PRMT8: variants seen among roughly 807,000 people sequenced by gnomAD.
The protein encoded by PRMT8 is protein arginine N-methyltransferase 8.
A neutral mutation model predicts 47.1 loss-of-function variants in PRMT8; 7 were observed. That is an observed-to-expected ratio of 0.15 (90% confidence interval 0.08 to 0.28). PRMT8 has a LOEUF of 0.28. Ranked by LOEUF, PRMT8 falls within the 10% of genes least tolerant of loss-of-function variation. The pLI, the probability that PRMT8 is intolerant of heterozygous loss-of-function variation, is 1.00. For synonymous variants in PRMT8, 188 were observed against 186.5 expected (o/e 1.01, Z -0.07); for missense variants, 237 against 505.4 (o/e 0.47, Z 5.09).
intron 1 of PRMT8, among the ~76,000 whole-genome samples, chr12:3,459,410 C>T (rs966485794): frequency 6.6e-6 from 1 of 152,172 alleles, no homozygotes; most frequent in East Asian, 1.9e-4. Flanking sequence ...AAGCTCCTGT[C>T]AGGGCATCCC....
intron 4 of PRMT8, among the ~76,000 whole-genome samples, chr12:3,560,651 G>C (rs1037986738): frequency 3.9e-5 from 6 of 152,184 alleles, no homozygotes; most frequent in Admixed American, 3.9e-4. Flanking sequence ...TTACTTCCCA[G>C]AAAACTCAAG....
chr12:3,522,728 G>A (rs1462954499), intron 1 of PRMT8, among the ~76,000 whole-genome samples: 2 of 149,154 alleles, frequency 1.3e-5, no homozygotes, highest in East Asian at 3.9e-4. Flanking sequence ...AAACCACCGT[G>A]CAAATAGCTA....
chr12:3,432,299 A>G, intron 1 of PRMT8, among the ~76,000 whole-genome samples: 1 of 152,218 alleles, frequency 6.6e-6, no homozygotes, highest in East Asian at 1.9e-4. Flanking sequence ...GTCACCTTGC[A>G]CTTCAGCCTG....
intron 1 of PRMT8, among the ~76,000 whole-genome samples, chr12:3,445,863 T>A (rs896655081): frequency 1.3e-5 from 2 of 152,172 alleles, no homozygotes; most frequent in Admixed American, 6.5e-5. Context: ...AAGGCGATAT[T>A]TACTGCGGTC....
chr12:3,388,283 T>C (rs563195987), intron 1 of PRMT8, among the ~76,000 whole-genome samples: 1 of 152,316 alleles, frequency 6.6e-6, no homozygotes, highest in East Asian at 1.9e-4. Flanking sequence ...TGTTTCCTCA[T>C]GGAAAGATTC....
intron 1 of PRMT8, among the ~76,000 whole-genome samples, chr12:3,445,500 G>A (rs1333912309): frequency 6.6e-6 from 1 of 152,158 alleles, no homozygotes; most frequent in Non-Finnish European, 1.5e-5. Flanking sequence ...GGCACTCTTA[G>A]CTATTCCTCA....
chr12:3,494,543 A>G (rs1257896166), intron 1 of PRMT8, among the ~76,000 whole-genome samples: 6 of 152,060 alleles, frequency 3.9e-5, no homozygotes, highest in African/African-American at 1.4e-4. Context: ...TGTGAATGGG[A>G]GTAGATGAGG....
rs538197193 is a variant in PRMT8 at position 3,457,881 on chromosome 12, T to A, written c.48+76439T>A. 8.8e-5 allele frequency among the ~76,000 whole-genome samples: 13 copies of A among 147,764 alleles called. No homozygotes were observed. In the South Asian group the frequency reaches 2.0e-3, roughly 22 times the overall value. ...TTTTTTTTTTTAAGACAGCGTTCTGTTGCCAGGCTGGAGTGCAGTGGTGTG... is the reference window on the plus strand; with the variant it reads ...TTTTTTTTTTTAAGACAGCGTTCTGATGCCAGGCTGGAGTGCAGTGGTGTG... On this transcript the variant is annotated intron_variant, in intron 1 of 9. Coordinates refer to the PRMT8 transcript ENST00000452611.
chr12:3,538,341 G>GT lies in PRMT8; in HGVS notation c.76-2263dup. ...GAAAACAGGGTCCTGGGAGGGCACA[G>GT]TTCCCACACGTCTATTTCTTCCACA... On this transcript the variant is annotated intron_variant, in intron 1 of 9. Transcript: ENST00000382622. This position sits in a 1 kb window ranked among gnomAD's most constrained non-coding sequence, Gnocchi z 4.6. The GT allele has an allele frequency of 3.9e-6, 1 of 257,000 alleles. No individual in the cohort carries two copies. Among genetic ancestry groups the GT allele is most frequent in the Non-Finnish European group, 7.8e-6 (1 of 127,804 alleles). The allele number at this position is 257,000 out of a possible 1,614,324, so 15.9% of individuals were successfully genotyped here. A position where few individuals can be genotyped will look rare whatever the true frequency, so the allele number is the denominator to read the frequency against.
rs182713588 is a variant in PRMT8, at chr12:3,453,973, C to A, written c.48+72531C>A. ...GGCTTTTTCAGGTTTCGAGAAGCAG[C>A]GACGTGCTCGGGTCACCTCAGGGCG... On this transcript the variant is annotated intron_variant, in intron 1 of 9. Transcript: ENST00000452611. This position sits in a 1 kb window ranked among gnomAD's most constrained non-coding sequence, Gnocchi z 4.9. 1.7e-4 allele frequency among the ~76,000 whole-genome samples: 26 copies of A among 152,268 alleles called. No homozygotes were observed. The East Asian group carries it at 5.0e-3, about 29-fold the overall frequency.
At chr12:3,498,784 C>T (rs1436651689) in intron 1 of PRMT8, among the ~76,000 whole-genome samples, 2 of 152,174 alleles carry the variant, frequency 1.3e-5, no homozygotes, top group East Asian at 1.9e-4. Flanking sequence ...GTTTCATCAC[C>T]TGTATTACCC....
At chr12:3,534,312 G>A (rs1020429914) in intron 1 of PRMT8, among the ~76,000 whole-genome samples, 12 of 152,250 alleles carry the variant, frequency 7.9e-5, no homozygotes, top group African/African-American at 2.9e-4. Context: ...GGTGCCAGCA[G>A]GAGCCATTTA....
At chr12:3,430,964 T>C (rs986677688) in intron 1 of PRMT8, among the ~76,000 whole-genome samples, 7 of 152,118 alleles carry the variant, frequency 4.6e-5, no homozygotes, top group African/African-American at 1.7e-4. Flanking sequence ...AGCCAGAAGC[T>C]GGGGCAGTGC....
intron 1 of PRMT8, among the ~76,000 whole-genome samples, chr12:3,392,124 A>G (rs1037765792): frequency 1.4e-4 from 21 of 152,208 alleles, no homozygotes; most frequent in African/African-American, 4.8e-4. Flanking sequence ...AGAGGCCAGA[A>G]TTACAGCCTG....
At chr12:3,578,152 A>G (rs1322701956) in intron 7 of PRMT8, among the ~76,000 whole-genome samples, 1 of 152,208 alleles carries the variant, frequency 6.6e-6, no homozygotes, top group Non-Finnish European at 1.5e-5. Context: ...TCACTCTGTC[A>G]CCCAGACTGG....
chr12:3,529,295 A>G (rs1865992122), intron 1 of PRMT8, among the ~76,000 whole-genome samples: 1 of 151,980 alleles, frequency 6.6e-6, no homozygotes, highest in South Asian at 2.1e-4. Context: ...TACCTCATTT[A>G]TTTGTCATCT....
chr12:3,412,683 C>T (rs1352651270), intron 1 of PRMT8, among the ~76,000 whole-genome samples: 1 of 152,076 alleles, frequency 6.6e-6, no homozygotes, highest in African/African-American at 2.4e-5. Flanking sequence ...TTGGCTGTGT[C>T]CCCACCCAAA....
At chr12:3,381,998 C>G (rs1006155031) in intron 1 of PRMT8, among the ~76,000 whole-genome samples, 1 of 152,178 alleles carries the variant, frequency 6.6e-6, no homozygotes, top group African/African-American at 2.4e-5. Context: ...CTGGGATTGA[C>G]TTTTTTGGTT....
intron 1 of PRMT8, among the ~76,000 whole-genome samples, chr12:3,530,774 C>T (rs78666558): frequency 0.014 from 2,143 of 152,312 alleles, 37 homozygotes; most frequent in Middle Eastern, 0.054. Context: ...AAAGATAGCA[C>T]CCTGGCACAG....
Sources: allele counts gnomAD v4.1 joint callset (sites outside exome capture counted in the v4.1 genomes callset), GRCh38; gene constraint gnomAD v4.1.1; non-coding constraint Gnocchi (gnomAD v3.1); transcripts MANE v1.5; gene names NCBI Gene and HGNC (gene_info 2026-07-23, HGNC 2026-07-21).